The following TBC1D1 variants were observed in gnomAD, a reference collection of about 807,000 sequenced individuals.
The protein encoded by TBC1D1 is TBC1 (tre-2/USP6, BUB2, cdc16) domain family, member 1.
Under a neutral mutation model 125.6 loss-of-function variants are expected in TBC1D1, and 89 were observed. The observed-to-expected ratio is 0.71, with a 90% confidence interval of 0.60 to 0.85. The LOEUF (loss-of-function observed/expected upper bound fraction) is 0.85. Among genes scored for constraint, TBC1D1 ranks in the 40% least tolerant of loss-of-function variants. The pLI is 0.00. For synonymous variants in TBC1D1, 565 were observed against 564.1 expected, an observed-to-expected ratio of 1.00 and a Z score of -0.02; for missense variants, 1,377 against 1,469.2, an observed-to-expected ratio of 0.94 and a Z score of 1.03.
chr4:38,113,359 G>A (rs535018926), intron 15 of TBC1D1, among the ~76,000 whole-genome samples: 1 of 152,234 alleles, frequency 6.6e-6, no homozygotes, highest in East Asian at 1.9e-4. Flanking sequence ...CACCCTCTTA[G>A]GAATGTTGTG....
At chr4:38,083,601 A>G (rs1483553719) in intron 12 of TBC1D1, among the ~76,000 whole-genome samples, 1 of 152,242 alleles carries the variant, frequency 6.6e-6, no homozygotes, top group African/African-American at 2.4e-5. Flanking sequence ...AATGCTCACA[A>G]TAATCCTATG....
intron 2 of TBC1D1, among the ~76,000 whole-genome samples, chr4:37,908,680 C>G (rs1379175880): frequency 1.3e-5 from 2 of 152,152 alleles, no homozygotes; most frequent in Non-Finnish European, 2.9e-5. Context: ...TGTGAAAATG[C>G]TCGCAGCCTT....
intron 2 of TBC1D1, among the ~76,000 whole-genome samples, chr4:37,964,168 G>GCT (rs1446828121): frequency 6.6e-6 from 1 of 152,196 alleles, no homozygotes; most frequent in Non-Finnish European, 1.5e-5. Flanking sequence ...GACTGCAATG[G>GCT]CTTAAGTTCA....
chr4:38,015,299 A>G (rs1460531934), intron 3 of TBC1D1, among the ~76,000 whole-genome samples: 1 of 152,198 alleles, frequency 6.6e-6, no homozygotes, highest in African/African-American at 2.4e-5. Flanking sequence ...TTCAGATGAT[A>G]TATTTCAACA....
At chr4:37,942,703 T>C (rs970426989) in intron 2 of TBC1D1, among the ~76,000 whole-genome samples, 7 of 152,112 alleles carry the variant, frequency 4.6e-5, no homozygotes, top group Non-Finnish European at 7.4e-5. Flanking sequence ...CACGCCTGGC[T>C]AATTTTTTTT....
At chr4:37,919,548 TACTCCTATTTAAG>T (rs1478843300) in intron 2 of TBC1D1, among the ~76,000 whole-genome samples, 7 of 152,010 alleles carry the variant, frequency 4.6e-5, no homozygotes, top group Admixed American at 3.9e-4. Context: ...AAAGCACAAC[TACTCCTATTTAAG>T]ACTCATATGT....
chr4:38,060,849 T>G (rs2152496509), intron 12 of TBC1D1, among the ~76,000 whole-genome samples: 1 of 152,286 alleles, frequency 6.6e-6, no homozygotes, highest in African/African-American at 2.4e-5. Context: ...TCTAACAAGC[T>G]CCCCAGTGAG....
At chr4:38,029,182 GAATA>G (rs1299353213) in intron 7 of TBC1D1, among the ~76,000 whole-genome samples, 4 of 152,020 alleles carry the variant, frequency 2.6e-5, no homozygotes, top group Admixed American at 6.6e-5. Context: ...GCATATCAAA[GAATA>G]AATATCTCCT....
chr4:37,911,126 T>G (rs912764599), intron 2 of TBC1D1, among the ~76,000 whole-genome samples: 1 of 125,758 alleles, frequency 8.0e-6, no homozygotes, highest in Non-Finnish European at 1.6e-5. Flanking sequence ...GGTTCTCCCC[T>G]CCTCCTTTTT....
At chr4:37,974,194 C>T (rs1424609094) in intron 2 of TBC1D1, among the ~76,000 whole-genome samples, 1 of 152,146 alleles carries the variant, frequency 6.6e-6, no homozygotes, top group South Asian at 2.1e-4. Flanking sequence ...CCCTAGGATG[C>T]GTCTAAGGCC....
At chr4:38,068,788 T>C (rs1293207164) in intron 12 of TBC1D1, among the ~76,000 whole-genome samples, 1 of 152,190 alleles carries the variant, frequency 6.6e-6, no homozygotes, top group Non-Finnish European at 1.5e-5. Context: ...GTGGCTACCA[T>C]ATTGAGAGCA....
intron 8 of TBC1D1, among the ~76,000 whole-genome samples, chr4:38,040,201 A>G (rs1318602694): frequency 6.6e-6 from 1 of 152,198 alleles, no homozygotes; most frequent in Non-Finnish European, 1.5e-5. Context: ...TGCTTTAAAA[A>G]CACATGCATA....
intron 12 of TBC1D1, among the ~76,000 whole-genome samples, chr4:38,058,463 C>T (rs761707054): frequency 2.0e-5 from 3 of 152,232 alleles, no homozygotes; most frequent in Admixed American, 6.5e-5. Flanking sequence ...GCGGCTGAGC[C>T]ATGGGCAGCT....
At chr4:38,046,600 C>T (rs1453861651) in intron 10 of TBC1D1, among the ~76,000 whole-genome samples, 1 of 151,916 alleles carries the variant, frequency 6.6e-6, no homozygotes, top group Non-Finnish European at 1.5e-5. Context: ...GAACATTGTA[C>T]CCAGTAGGTA....
intron 2 of TBC1D1, among the ~76,000 whole-genome samples, chr4:37,929,591 C>T (rs1722838799): frequency 6.6e-6 from 1 of 152,192 alleles, no homozygotes; most frequent in African/African-American, 2.4e-5. Context: ...AATTTGGCTC[C>T]AGGTTTTCTG....
Position 38,137,246 on chromosome 4 carries a change from C to A in TBC1D1, c.3418C>A (p.Leu1140Met). 6.2e-7 allele frequency: 1 copy of A among 1,612,280 alleles called. No individual in the cohort carries two copies. Among genetic ancestry groups the A allele is most frequent in the African/African-American group, 1.3e-5 (1 of 75,002 alleles). The change falls in exon 20 of 20, where the codon CTG (leucine) becomes ATG (methionine). Residue 1140 changes from leucine to methionine, a missense_variant. This residue lies in a region of TBC1D1 where 543 missense variants were observed against 613.5 expected (regional missense o/e 0.89). Coordinates refer to ENST00000261439, the MANE Select transcript of TBC1D1 (RefSeq NM_015173.4). ...CTTAGAACTGGAGCGGTCGGCCCTG[C>A]TGCAGACGGTGGAGGAGCTGCGGCG...
intron 2 of TBC1D1, among the ~76,000 whole-genome samples, chr4:37,926,858 T>G (rs1023657760): frequency 6.6e-6 from 1 of 152,254 alleles, no homozygotes; most frequent in Non-Finnish European, 1.5e-5. Context: ...GGCTCACGCC[T>G]GTAATCCCAG....
At chr4:38,082,881 C>T (rs1756821742) in intron 12 of TBC1D1, among the ~76,000 whole-genome samples, 1 of 152,226 alleles carries the variant, frequency 6.6e-6, no homozygotes, top group Non-Finnish European at 1.5e-5. Flanking sequence ...ATCTCTAAGT[C>T]ATCCTTACAC....
At chr4:38,117,835 A>G in intron 16 of TBC1D1, among the ~76,000 whole-genome samples, 198 bp from the exon 19 acceptor site, 1 of 152,262 alleles carries the variant, frequency 6.6e-6, no homozygotes, top group East Asian at 1.9e-4. Context: ...GCCTACACCC[A>G]GCCAGTGCCT....
Sources: gnomAD v4.1 joint callset for allele counts (sites outside exome capture counted in the v4.1 genomes callset) on GRCh38, gnomAD v4.1.1 for gene constraint, gnomAD v4.1.1 regional missense constraint, MANE v1.5 for transcripts, NCBI Gene and HGNC (gene_info 2026-07-23, HGNC 2026-07-21) for gene names.